The following RAD51B variants were observed in gnomAD, a reference collection of about 807,000 sequenced individuals.
The protein encoded by RAD51B is DNA repair protein RAD51 homolog 2.
A neutral mutation model predicts 42.2 loss-of-function variants in RAD51B; 38 were observed. The observed-to-expected ratio is 0.90, with a 90% CI of 0.70 to 1.18. The LOEUF is 1.18. Ranked by LOEUF, RAD51B falls within the 50% of genes most tolerant of loss-of-function variation. The pLI is 0.00. For synonymous variants in RAD51B, 154 were observed against 145.2 expected (o/e 1.06, Z -0.43); for missense variants, 373 against 400.7 (o/e 0.93, Z 0.59).
At chr14:68,215,562 G>A (rs530290335) in intron 7 of RAD51B, among the ~76,000 whole-genome samples, 1 of 152,326 alleles carries the variant, frequency 6.6e-6, no homozygotes, top group Non-Finnish European at 1.5e-5. Flanking sequence ...GTGGCTCAAA[G>A]TGTTAGTTGC....
At chr14:68,436,119 C>T (rs536274702) in intron 9 of RAD51B, among the ~76,000 whole-genome samples, 6 of 152,244 alleles carry the variant, frequency 3.9e-5, no homozygotes, top group Admixed American at 2.6e-4. Flanking sequence ...AATGGTATTT[C>T]CTAGATTTTC....
intron 7 of RAD51B, among the ~76,000 whole-genome samples, chr14:67,967,207 A>G (rs889566928): frequency 1.3e-5 from 2 of 152,178 alleles, no homozygotes; most frequent in Non-Finnish European, 2.9e-5. Flanking sequence ...CCATGATTCA[A>G]ACTATCTTCC....
intron 7 of RAD51B, among the ~76,000 whole-genome samples, chr14:68,270,547 A>G (rs2081085138): frequency 6.6e-6 from 1 of 152,216 alleles, no homozygotes; most frequent in African/African-American, 2.4e-5. Context: ...TTCTGGAGAT[A>G]GCACATTTGG....
chr14:68,434,590 G>A (rs1424478879), intron 9 of RAD51B, among the ~76,000 whole-genome samples: 1 of 152,202 alleles, frequency 6.6e-6, no homozygotes, highest in Non-Finnish European at 1.5e-5. Context: ...AAGACCATTG[G>A]AAAAGCGCAG....
intron 3 of RAD51B, among the ~76,000 whole-genome samples, chr14:67,834,398 T>TG (rs1166468982): frequency 2.4e-5 from 1 of 41,396 alleles, no homozygotes; most frequent in African/African-American, 9.1e-5. Flanking sequence ...GGGGTGGGGG[T>TG]GGGGGGTCAT....
At chr14:67,837,356 C>G (rs2041279009) in intron 4 of RAD51B, among the ~76,000 whole-genome samples, 1 of 152,108 alleles carries the variant, frequency 6.6e-6, no homozygotes, top group Admixed American at 6.5e-5. Context: ...GGAAGATTAA[C>G]TGGGAAATTC....
intron 8 of RAD51B, among the ~76,000 whole-genome samples, chr14:68,397,826 C>T (rs1445575411): frequency 7.2e-5 from 11 of 152,188 alleles, no homozygotes; most frequent in Non-Finnish European, 1.3e-4. Flanking sequence ...CAAAAACGTT[C>T]GGGTTCTGGT....
chr14:68,607,539 T>G (rs536468774), intron 10 of RAD51B, among the ~76,000 whole-genome samples: 1 of 152,280 alleles, frequency 6.6e-6, no homozygotes, highest in East Asian at 1.9e-4. Flanking sequence ...TCCGCCCTTT[T>G]CTGTTTACAC....
At chr14:67,994,559 A>T (rs972162577) in intron 7 of RAD51B, among the ~76,000 whole-genome samples, 1 of 152,194 alleles carries the variant, frequency 6.6e-6, no homozygotes, top group African/African-American at 2.4e-5. Context: ...GAAATATGAA[A>T]TGAGAAATCA....
chr14:68,597,740 T>C (rs28488019), downstream of RAD51B, among the ~76,000 whole-genome samples: 14,267 of 151,406 alleles, frequency 0.094, 801 homozygotes, highest in South Asian at 0.23. Context: ...AGCAAACCCC[T>C]GTAACACAAG....
At chr14:67,933,541 C>T (rs1205892702) in intron 7 of RAD51B, among the ~76,000 whole-genome samples, 1 of 152,138 alleles carries the variant, frequency 6.6e-6, no homozygotes, top group Admixed American at 6.5e-5. Context: ...GAGGAGCTCT[C>T]CCATGGTTTG....
intron 7 of RAD51B, among the ~76,000 whole-genome samples, chr14:67,892,390 T>C (rs1410793403): frequency 6.6e-6 from 1 of 152,240 alleles, no homozygotes; most frequent in African/African-American, 2.4e-5. Context: ...AGTAGGTGAT[T>C]GGCTAAATTA....
At chr14:68,510,073 C>T (rs978889255) in intron 10 of RAD51B, among the ~76,000 whole-genome samples, 1 of 152,184 alleles carries the variant, frequency 6.6e-6, no homozygotes, top group Non-Finnish European at 1.5e-5. Flanking sequence ...ACTCCCCCAG[C>T]TTTGAGTGAT....
rs188685117 is a variant in RAD51B, at chr14:68,514,066, T to G, written c.1036+45816T>G. 7.4e-4 allele frequency among the ~76,000 whole-genome samples: 113 copies of G among 152,362 alleles called. 2 individuals carry two copies. Among genetic ancestry groups the G allele is most frequent in the Non-Finnish European group, 1.2e-3 (83 of 68,036 alleles). ...GCTCAGCAAACGGTGGTCACTGTGA[T>G]TGATCATGTGAATCTCCATCCTCGC... On this transcript the variant is annotated intron_variant, in intron 10 of 10. Coordinates refer to the RAD51B transcript ENST00000487270.
At chr14:68,568,001 T>A (rs754160070) in intron 10 of RAD51B, among the ~76,000 whole-genome samples, 1 of 152,148 alleles carries the variant, frequency 6.6e-6, no homozygotes, top group Non-Finnish European at 1.5e-5. Flanking sequence ...TGTCCATAAG[T>A]CCTTGGTGAT....
chr14:67,887,387 T>C (rs1397441529), intron 7 of RAD51B, 183 bp downstream of exon 7: 1 of 463,042 alleles, frequency 2.2e-6, no homozygotes, highest in Admixed American at 3.9e-5. Flanking sequence ...GCTCATCTGC[T>C]GAGATTATTT....
chr14:68,015,545 C>T (rs2075764587), intron 7 of RAD51B, among the ~76,000 whole-genome samples: 1 of 152,146 alleles, frequency 6.6e-6, no homozygotes, highest in African/African-American at 2.4e-5. Context: ...TACATGGCCG[C>T]AGAGAAGAGG....
Position 68,277,864 on chromosome 14 carries a change from T to C in RAD51B, c.757-14020T>C, listed in dbSNP as rs371326698. 6.7e-4 allele frequency among the ~76,000 whole-genome samples: 102 copies of C among 152,296 alleles called. 2 individuals are homozygous for C. Among genetic ancestry groups the C allele is most frequent in the African/African-American group, 2.3e-3 (97 of 41,560 alleles). On this transcript the variant is annotated intron_variant, in intron 7 of 10. Transcript: ENST00000471583. ...AGCAATTCTCTCATGTGCCTCAGCC[T>C]ACCAAATAGCTGGGACTATAGGCGC...
intron 7 of RAD51B, among the ~76,000 whole-genome samples, chr14:68,239,628 C>G (rs562798223): frequency 6.6e-6 from 1 of 152,182 alleles, no homozygotes; most frequent in African/African-American, 2.4e-5. Flanking sequence ...TTCTTCCACT[C>G]ACCTATCTCA....
Sources: allele counts gnomAD v4.1 joint callset (sites outside exome capture counted in the v4.1 genomes callset), GRCh38; gene constraint gnomAD v4.1.1; transcripts MANE v1.5; gene names NCBI Gene and HGNC (gene_info 2026-07-23, HGNC 2026-07-21).